RBM20: variants seen among roughly 807,000 people sequenced by gnomAD.
The protein encoded by RBM20 is RNA binding motif protein 20.
Under a neutral mutation model 110.1 loss-of-function variants are expected in RBM20, and 51 were observed. The observed-to-expected ratio is 0.46, with a 90% CI of 0.37 to 0.59. The LOEUF (loss-of-function observed/expected upper bound fraction) is 0.59, where lower values mean the gene tolerates loss of function less well. RBM20 is among the 20% of genes least tolerant of loss of function. The pLI is 0.00. For synonymous variants in RBM20, 589 were observed against 618.2 expected, an observed-to-expected ratio of 0.95 and a Z score of 0.70; for missense variants, 1,512 against 1,574.9, an observed-to-expected ratio of 0.96 and a Z score of 0.68.
intron 6 of RBM20, among the ~76,000 whole-genome samples, chr10:110,799,490 T>C (rs1417715079): frequency 6.6e-6 from 1 of 152,188 alleles, no homozygotes; most frequent in Non-Finnish European, 1.5e-5. Context: ...TACTCTACAG[T>C]GCATAATGTA....
At chr10:110,763,450 A>T (rs931567438) in intron 1 of RBM20, among the ~76,000 whole-genome samples, 7 of 152,192 alleles carry the variant, frequency 4.6e-5, no homozygotes, top group Non-Finnish European at 8.8e-5. Flanking sequence ...AGTGGACACC[A>T]GGCATTGCAG....
chr10:110,734,618 C>CATTTTTTTTTTTT (rs34824300), intron 1 of RBM20, among the ~76,000 whole-genome samples: 4 of 136,532 alleles, frequency 2.9e-5, no homozygotes, highest in Non-Finnish European at 4.7e-5. Flanking sequence ...AAAATTCCCT[C>CATTTTTTTTTTTT]TTTTTTTTTT....
In RBM20 at chr10:110,781,211, G is replaced by C; in HGVS notation, c.602G>C (p.Gly201Ala). The change falls in exon 2 of 14, where the codon GGG (glycine) becomes GCG (alanine). Residue 201 changes from glycine to alanine, a missense_variant. Transcript: ENST00000369519. ...PSAMVMHPFT[G>A]VMPQTPGQPA... ...GCCATGGTGATGCATCCTTTCACTG[G>C]GGTAATGCCTCAGACCCCTGGCCAG... The C allele has an allele frequency of 6.4e-7, 1 of 1,551,652 alleles. No individual in the cohort carries two copies. The highest frequency in any genetic ancestry group is 1.4e-5 in the African/African-American group (1 of 73,162).
At chr10:110,675,418 T>C (rs1019160024) in intron 1 of RBM20, among the ~76,000 whole-genome samples, 1 of 152,228 alleles carries the variant, frequency 6.6e-6, no homozygotes, top group South Asian at 2.1e-4. Flanking sequence ...TGCATTCTTA[T>C]AATGTGGTTC....
At chr10:110,698,573 C>T (rs1862706227) in intron 1 of RBM20, among the ~76,000 whole-genome samples, 1 of 152,170 alleles carries the variant, frequency 6.6e-6, no homozygotes, top group Non-Finnish European at 1.5e-5. Flanking sequence ...TGGAGCTTCT[C>T]CTCTTACAGC....
At chr10:110,829,274 GC>G (rs1564667242) in intron 12 of RBM20, among the ~76,000 whole-genome samples, 1 of 152,226 alleles carries the variant, frequency 6.6e-6, no homozygotes, top group African/African-American at 2.4e-5. Flanking sequence ...AGCACCAACA[GC>G]CAGGAGCCAG....
chr10:110,753,460 T>C (rs553413551), intron 1 of RBM20, among the ~76,000 whole-genome samples: 2 of 152,370 alleles, frequency 1.3e-5, no homozygotes, highest in East Asian at 3.9e-4. Flanking sequence ...TCACTTTCTT[T>C]GCTCTTCATT....
At chr10:110,702,997 T>G (rs1278818744) in intron 1 of RBM20, among the ~76,000 whole-genome samples, 4 of 147,372 alleles carry the variant, frequency 2.7e-5, no homozygotes, top group East Asian at 4.1e-4. Flanking sequence ...TCTTGTTTTT[T>G]TTTTTGTTTT....
At chr10:110,753,936 G>A (rs1284620190) in intron 1 of RBM20, among the ~76,000 whole-genome samples, 3 of 152,012 alleles carry the variant, frequency 2.0e-5, no homozygotes, top group Non-Finnish European at 1.5e-5. Context: ...TCCCTCTTTG[G>A]CCTGTATAAC....
At chr10:110,767,159 GGGGCT>G (rs2135014478) in intron 1 of RBM20, among the ~76,000 whole-genome samples, 6 of 121,292 alleles carry the variant, frequency 4.9e-5, no homozygotes, top group Non-Finnish European at 9.6e-5. Context: ...GGCCGGGCGG[GGGGCT>G]GACCCCCCCC....
chr10:110,808,010 T>A (rs1320293757), intron 7 of RBM20, among the ~76,000 whole-genome samples: 1 of 152,214 alleles, frequency 6.6e-6, no homozygotes, highest in Non-Finnish European at 1.5e-5. Context: ...GCTCTGCTGC[T>A]CCCCTGGTGC....
intron 9 of RBM20, among the ~76,000 whole-genome samples, chr10:110,814,986 G>A (rs1247729177): frequency 1.3e-5 from 2 of 152,128 alleles, no homozygotes; most frequent in African/African-American, 4.8e-5. Flanking sequence ...ATTAATTAAT[G>A]ACGGCATCAT....
intron 1 of RBM20, among the ~76,000 whole-genome samples, chr10:110,769,677 G>A (rs1844159573): frequency 1.3e-5 from 2 of 152,038 alleles, no homozygotes; most frequent in Admixed American, 6.6e-5. Context: ...AGTAGAAGTA[G>A]CTCATTAAAA....
intron 12 of RBM20, among the ~76,000 whole-genome samples, chr10:110,827,419 C>T (rs1197976865): frequency 6.8e-6 from 1 of 148,096 alleles, no homozygotes; most frequent in Admixed American, 6.7e-5. Flanking sequence ...AAAAAAAAAA[C>T]TCAGGATTTC....
chr10:110,743,729 C>T (rs1007238719), intron 1 of RBM20, among the ~76,000 whole-genome samples: 7 of 152,198 alleles, frequency 4.6e-5, no homozygotes, highest in African/African-American at 1.7e-4. Context: ...GATTCTCATG[C>T]CTCAGTCTCC....
intron 7 of RBM20, among the ~76,000 whole-genome samples, chr10:110,806,980 C>A (rs1446032060): frequency 6.6e-6 from 1 of 152,204 alleles, no homozygotes; most frequent in Non-Finnish European, 1.5e-5. Context: ...CAGATGGCAG[C>A]TGGCAGCTGG....
chr10:110,772,886 C>T (rs551059578), intron 1 of RBM20, among the ~76,000 whole-genome samples: 30 of 152,294 alleles, frequency 2.0e-4, no homozygotes, highest in African/African-American at 7.0e-4. Context: ...TTACGATCTC[C>T]ATTTGACAGA....
intron 5 of RBM20, among the ~76,000 whole-genome samples, chr10:110,794,063 A>G (rs947491458): frequency 2.0e-5 from 3 of 152,156 alleles, no homozygotes; most frequent in African/African-American, 7.2e-5. Context: ...TGTACCACTC[A>G]GGGACCTCAC....
chr10:110,753,621 C>T (rs1590655787), intron 1 of RBM20, among the ~76,000 whole-genome samples: 1 of 152,162 alleles, frequency 6.6e-6, no homozygotes, highest in Admixed American at 6.5e-5. Flanking sequence ...TGGCAGTTGT[C>T]TTAGTTTTCA....
Sources: allele counts gnomAD v4.1 joint callset (sites outside exome capture counted in the v4.1 genomes callset), GRCh38; gene constraint gnomAD v4.1.1; transcripts MANE v1.5; gene names NCBI Gene and HGNC (gene_info 2026-07-23, HGNC 2026-07-21).